The following AHDC1 variants were observed in gnomAD, a reference collection of about 807,000 sequenced individuals.
AHDC1 encodes the protein transcription factor Gibbin.
Under a neutral mutation model 87.9 loss-of-function variants are expected in AHDC1, and 7 were observed. The observed-to-expected ratio is 0.08, with a 90% CI of 0.05 to 0.15. The LOEUF is 0.15. Ranked by LOEUF, AHDC1 falls within the 10% of genes least tolerant of loss-of-function variation. The pLI is 1.00. For synonymous variants in AHDC1, 1,051 were observed against 1,006.8 expected (o/e 1.04, Z -0.83); for missense variants, 1,841 against 2,253.2 (o/e 0.82, Z 3.70).
At chr1:27,555,408 A>G (rs2019773109) in intron 5 of AHDC1, among the ~76,000 whole-genome samples, 1 of 152,188 alleles carries the variant, frequency 6.6e-6, no homozygotes, top group African/African-American at 2.4e-5. Flanking sequence ...CAGGTGGAAC[A>G]TCCCTCTATC....
chr1:27,559,217 AT>A (rs537614770), intron 3 of AHDC1, among the ~76,000 whole-genome samples: 11 of 148,754 alleles, frequency 7.4e-5, no homozygotes, highest in African/African-American at 2.2e-4. Context: ...ATGCCTGGCT[AT>A]TTTTTTTTTA....
Position 27,550,055 on chromosome 1 carries a change from G to A in AHDC1, c.2061C>T (p.Ala687=), listed in dbSNP as rs1386935441. The change falls in exon 8 of 9, where the codon GCC becomes GCT. Residue 687 remains alanine, a synonymous_variant. Transcript: ENST00000673934. ...CAAAGAAGTCACTGAAGGAGCATCGGGCTGACTTGGCCGCATGGCCCCCAC... is the reference window on the plus strand; with the variant it reads ...CAAAGAAGTCACTGAAGGAGCATCGAGCTGACTTGGCCGCATGGCCCCCAC... ...GRGGGHAAKS[A]RCSFSDFFEG... 4.4e-6 allele frequency: 7 copies of A among 1,605,752 alleles called. No individual in the cohort carries two copies. Among genetic ancestry groups the A allele is most frequent in the Non-Finnish European group, 6.0e-6 (7 of 1,175,074 alleles).
Position 27,551,945 on chromosome 1 carries a change from G to A in AHDC1, c.171C>T (p.Phe57=). The A allele has an allele frequency of 6.4e-7, 1 of 1,554,732 alleles. No individual in the cohort carries two copies. The highest frequency in any genetic ancestry group is 8.7e-7 in the Non-Finnish European group (1 of 1,149,604). ...PPDKAFSTHA[F]SENPRPPPRR... ...GTGGGGGTGGGCGTGGGTTCTCGGA[G>A]AAGGCGTGGGTGGAGAAGGCCTTGT... The change falls in exon 8 of 9, where the codon TTC becomes TTT. Residue 57 remains phenylalanine, a synonymous_variant. Coordinates refer to ENST00000673934, the MANE Select transcript of AHDC1 (RefSeq NM_001371928.1).
At chr1:27,544,680 T>G (rs2019085206) in intron 8 of AHDC1, among the ~76,000 whole-genome samples, 1 of 152,198 alleles carries the variant, frequency 6.6e-6, no homozygotes, top group African/African-American at 2.4e-5. Context: ...ATTCCCGTGG[T>G]GATTTTGATC....
intron 3 of AHDC1, among the ~76,000 whole-genome samples, chr1:27,585,338 C>T (rs1023026787): frequency 4.6e-5 from 7 of 151,752 alleles, no homozygotes; most frequent in African/African-American, 1.7e-4. Context: ...AGGGCGGCTC[C>T]ACCACATACT....
At chr1:27,535,781 T>C (rs1241486321) in intron 8 of AHDC1, among the ~76,000 whole-genome samples, 1 of 152,024 alleles carries the variant, frequency 6.6e-6, no homozygotes, top group Non-Finnish European at 1.5e-5. Context: ...GAAGTACCCC[T>C]TTTTCCCAGA....
rs970978346 is a variant in AHDC1, at chr1:27,590,174, A to G, written c.-629+13223T>C. 3.3e-5 allele frequency among the ~76,000 whole-genome samples: 5 copies of G among 152,304 alleles called. No individual in the cohort carries two copies. Among genetic ancestry groups the G allele is most frequent in the Middle Eastern group, 3.4e-3 (1 of 294 alleles). On this transcript the variant is annotated intron_variant, in intron 3 of 8. Transcript: ENST00000673934. The surrounding 1 kb of genome is among the most constrained non-coding windows in gnomAD (Gnocchi z 5.4). ...GGCCGGGATTTTCCATCTCTCAGCA[A>G]CAAGATTCCTGGTGAGCAGGCTGCG...
rs1367439870 is a variant in AHDC1, at chr1:27,565,126, G to A, written c.-628-6243C>T. On this transcript the variant is annotated intron_variant, in intron 3 of 8. Coordinates refer to ENST00000673934, the MANE Select transcript of AHDC1 (RefSeq NM_001371928.1). The surrounding 1 kb of genome is among the most constrained non-coding windows in gnomAD (Gnocchi z 4.6). ...GCGGCTGGCAGGCATGCTCGCTCCC[G>A]CGCAGGGAAGCGGCTAATTTTAGCT... 6.6e-6 allele frequency among the ~76,000 whole-genome samples: 1 copy of A among 152,184 alleles called. No individual in the cohort carries two copies. Among genetic ancestry groups the A allele is most frequent in the Non-Finnish European group, 1.5e-5 (1 of 68,010 alleles).
In AHDC1 at chr1:27,547,493, T is replaced by C; in HGVS notation, c.4623A>G (p.Pro1541=). The part of the protein sequence containing the change: ...PAAAAAGYGC[P]LLSDLTLSPV... ...GGGACAGGGTCAAGTCACTAAGGAG[T>C]GGGCAGCCATAGCCAGCAGCGGCTG... Residue 1541 remains proline (P), a synonymous_variant, in exon 8 of 9, where the codon CCA becomes CCG. Coordinates refer to ENST00000673934, the MANE Select transcript of AHDC1 (RefSeq NM_001371928.1). This position sits in a 1 kb window ranked among gnomAD's most constrained non-coding sequence, Gnocchi z 4.9. The C allele has an allele frequency of 6.2e-7, 1 of 1,604,228 alleles. No homozygotes were observed. The highest frequency in any genetic ancestry group is 8.5e-7 in the Non-Finnish European group (1 of 1,173,596).
At chr1:27,538,296 G>A (rs1381693554) in intron 8 of AHDC1, among the ~76,000 whole-genome samples, 1 of 151,170 alleles carries the variant, frequency 6.6e-6, no homozygotes, top group East Asian at 2.0e-4. Context: ...CCAGCTACTC[G>A]GGAGGCCGAG....
chr1:27,538,905 G>A (rs945849125), intron 8 of AHDC1, among the ~76,000 whole-genome samples: 3 of 152,266 alleles, frequency 2.0e-5, no homozygotes, highest in African/African-American at 7.2e-5. Context: ...AAGGGTCACA[G>A]GCAAACCACA....
chr1:27,572,832 C>G (rs1454723536), intron 3 of AHDC1, among the ~76,000 whole-genome samples: 1 of 152,244 alleles, frequency 6.6e-6, no homozygotes, highest in Non-Finnish European at 1.5e-5. Context: ...CACACCGCCC[C>G]TGCGATCGCT....
chr1:27,551,674 C>G lies in AHDC1; in HGVS notation c.442G>C (p.Gly148Arg). Residue 148 changes from glycine (G) to arginine (R), a missense_variant, in exon 8 of 9, where the codon GGT becomes CGT. Physicochemically the swap from Gly to Arg is moderately radical, Grantham distance 125. Around this residue, in one of 13 missense-constraint regions of AHDC1, gnomAD observed 50 missense variants for 104.3 expected, o/e 0.48. Coordinates refer to ENST00000673934, the MANE Select transcript of AHDC1 (RefSeq NM_001371928.1). ...LQHSGVHLDC[G>R]GLRLSRPPAP... is the part of the protein sequence containing the mutation. ...GGCGGGCGGCTCAGTCGGAGCCCACCACAGTCCAGGTGTACACCACTGTGC... is the reference window on the plus strand; with the variant it reads ...GGCGGGCGGCTCAGTCGGAGCCCACGACAGTCCAGGTGTACACCACTGTGC... The G allele has an allele frequency of 6.2e-7, 1 of 1,613,734 alleles. No individual in the cohort carries two copies. The highest frequency in any genetic ancestry group is 8.5e-7 in the Non-Finnish European group (1 of 1,179,932).
Position 27,549,368 on chromosome 1 carries a change from G to C in AHDC1, c.2748C>G (p.Ser916=). Residue 916 remains serine, a synonymous_variant, in exon 8 of 9, where the codon TCC becomes TCG. Transcript: ENST00000673934. ...GTCCTGGTGGGAAGGTCTGGCGCGC[G>C]GACAGGACAGGCTGAAAGGAGGGGT... ...GADPSFQPVL[S]ARQTFPPGRA... is the part of the protein sequence containing the mutation. The C allele has an allele frequency of 6.2e-7, 1 of 1,613,020 alleles. No homozygotes were observed. Among genetic ancestry groups the C allele is most frequent in the Non-Finnish European group, 8.5e-7 (1 of 1,179,788 alleles).
At chr1:27,570,277 T>C (rs920323734) in intron 3 of AHDC1, among the ~76,000 whole-genome samples, 2 of 151,896 alleles carry the variant, frequency 1.3e-5, no homozygotes, top group Admixed American at 6.6e-5. Context: ...TGGGATCACG[T>C]TGCAAACTCC....
intron 8 of AHDC1, among the ~76,000 whole-genome samples, chr1:27,537,466 G>A (rs984720828): frequency 1.3e-5 from 2 of 152,198 alleles, no homozygotes; most frequent in African/African-American, 4.8e-5. Context: ...ACACTACCCA[G>A]CACATGCTGG....
Position 27,572,671 on chromosome 1 carries a change from C to T in AHDC1, c.-628-13788G>A, listed in dbSNP as rs561581949. Among the ~76,000 whole-genome samples, 10 of 152,340 alleles carry T rather than the reference C, an allele frequency of 6.6e-5. No homozygotes were observed. The South Asian group carries it at 1.7e-3, about 25-fold the overall frequency. On this transcript the variant is annotated intron_variant, in intron 3 of 8. Coordinates refer to ENST00000673934, the MANE Select transcript of AHDC1 (RefSeq NM_001371928.1). ...ACAAACCCAGGTGCAGGCAAAACCA[C>T]GCAGTGTGGGACTGTGCTGACTCCA...
In AHDC1 at chr1:27,548,646, G is replaced by A. The variant is rs752380037; in HGVS notation, c.3470C>T (p.Thr1157Met). 8.7e-6 allele frequency: 14 copies of A among 1,613,442 alleles called. No homozygotes were observed. The highest frequency in any genetic ancestry group is 3.3e-5 in the Admixed American group (2 of 60,024). Residue 1157 changes from threonine to methionine, a missense_variant, in exon 8 of 9, where the codon ACG becomes ATG. Thr to Met is a moderately conservative substitution (Grantham distance 81, BLOSUM62 -1). Transcript: ENST00000673934. ...NYTPQKVKQQ[T>M]AVSETFSESS... is the part of the protein sequence containing the mutation. ...CTCAGAGAAGGTCTCCGACACAGCC[G>A]TCTGCTGCTTCACCTTCTGCGGTGT... is the stretch of plus-strand genomic sequence containing the variant.
chr1:27,565,006 T>A lies in AHDC1; in HGVS notation c.-628-6123A>T, dbSNP rs1470371753. 1.3e-5 allele frequency among the ~76,000 whole-genome samples: 2 copies of A among 151,660 alleles called. No individual in the cohort carries two copies. The highest frequency in any genetic ancestry group is 2.9e-5 in the Non-Finnish European group (2 of 67,898). Reference sequence around the variant, plus strand: ...GGCCACGGACAGCCTCAGAGCAGAGTCCCCCTAGCCCCTGGGGGTGGCTGG... The same window carrying A: ...GGCCACGGACAGCCTCAGAGCAGAGACCCCCTAGCCCCTGGGGGTGGCTGG... On this transcript the variant is annotated intron_variant, in intron 3 of 8. Coordinates refer to ENST00000673934, the MANE Select transcript of AHDC1 (RefSeq NM_001371928.1). The surrounding 1 kb of genome is among the most constrained non-coding windows in gnomAD (Gnocchi z 4.6).
Sources: allele counts gnomAD v4.1 joint callset (sites outside exome capture counted in the v4.1 genomes callset), GRCh38; gene constraint gnomAD v4.1.1; regional missense constraint gnomAD v4.1.1; non-coding constraint Gnocchi (gnomAD v3.1); transcripts MANE v1.5; gene names NCBI Gene and HGNC (gene_info 2026-07-23, HGNC 2026-07-21).